MAP1A: variants seen among roughly 807,000 people sequenced by gnomAD.
MAP1A encodes the protein microtubule-associated protein 1A.
MAP1A carries 42 observed loss-of-function variants against 185.9 expected under a neutral mutation model. That is an observed-to-expected ratio of 0.23 (90% CI 0.18 to 0.29). The LOEUF (loss-of-function observed/expected upper bound fraction) is 0.29. Among genes scored for constraint, MAP1A ranks in the 10% least tolerant of loss-of-function variants. MAP1A has a pLI of 1.00. For missense variants in MAP1A, 2,995 were observed against 3,450.4 expected (o/e 0.87, Z 3.31); for synonymous variants, 1,229 against 1,335.9 (o/e 0.92, Z 1.74).
In MAP1A at chr15:43,527,335, A is replaced by G. The variant is rs1451808455; in HGVS notation, c.5862A>G (p.Arg1954=). The G allele has an allele frequency of 2.5e-6, 4 of 1,614,088 alleles. No individual in the cohort carries two copies. Among genetic ancestry groups the G allele is most frequent in the Non-Finnish European group, 3.4e-6 (4 of 1,180,008 alleles). The change falls in exon 4 of 6, where the codon AGA becomes AGG. Residue 1954 remains arginine (R), a synonymous_variant. Coordinates refer to ENST00000300231, the MANE Select transcript of MAP1A (RefSeq NM_002373.6). ...CTGAGCAGACTGAGCCGGAGCAGAG[A>G]GAGCCCACACCCTATCCTGATGAGA... ...TEPEQTEPEQ[R]EPTPYPDERS... is the part of the protein sequence containing the mutation.
rs549329345 is a variant in MAP1A, at chr15:43,530,321, G to T, written c.*97G>T. On this transcript the variant is annotated 3_prime_UTR_variant, in exon 6 of 6. Coordinates refer to ENST00000300231, the MANE Select transcript of MAP1A (RefSeq NM_002373.6). ...TGGGGTTGAGGGAGATGGGAGCTAG[G>T]GGGAGGGGAGGGAGATGTCTTGTTG... 1.4e-5 allele frequency: 20 copies of T among 1,461,518 alleles called. No homozygotes were observed. Among genetic ancestry groups the T allele is most frequent in the Middle Eastern group, 4.6e-4 (2 of 4,310 alleles). The allele number at this position is 1,461,518 out of a possible 1,614,324, so 90.5% of individuals were successfully genotyped here.
At chr15:43,517,157 T>TC (rs1757746238), upstream of MAP1A, among the ~76,000 whole-genome samples, 1 of 152,082 alleles carries the variant, frequency 6.6e-6, no homozygotes, top group African/African-American at 2.4e-5. Flanking sequence ...CTTAAGCAGT[T>TC]CCCCACACCT....
In MAP1A at chr15:43,527,466, C is replaced by T. The variant is rs753698571; in HGVS notation, c.5993C>T (p.Pro1998Leu). 69 of 1,614,022 alleles carry T rather than the reference C, an allele frequency of 4.3e-5. No homozygotes were observed. Among genetic ancestry groups the T allele is most frequent in the African/African-American group, 1.3e-5 (1 of 74,920 alleles). The change falls in exon 4 of 6, where the codon CCA (proline) becomes CTA (leucine). Residue 1998 changes from proline to leucine, a missense_variant. Physicochemically the swap from Pro to Leu is moderately conservative, Grantham distance 98. Coordinates refer to ENST00000300231, the MANE Select transcript of MAP1A (RefSeq NM_002373.6). ...PPLGAAGDWP[P>L]CLSTKEAAAG... is the part of the protein sequence containing the mutation. ...CTTGGAGCAGCTGGGGATTGGCCCC[C>T]ATGCCTCTCAACCAAGGAGGCAGCT... is the stretch of plus-strand genomic sequence containing the variant.
Position 43,524,344 on chromosome 15 carries a change from A to C in MAP1A, c.2871A>C (p.Gln957His). ...NVEMSEKLCS[Q>H]YGTPVFSAPG... ...AGATGTCTGAGAAACTTTGCAGTCAATATGGAACTCCAGTGTTTAGTGCCC... is the reference window on the plus strand; with the variant it reads ...AGATGTCTGAGAAACTTTGCAGTCACTATGGAACTCCAGTGTTTAGTGCCC... The change falls in exon 4 of 6, where the codon CAA becomes CAC. Residue 957 changes from glutamine (Q) to histidine (H), a missense_variant. Around this residue, in one of 3 missense-constraint regions of MAP1A, gnomAD observed 2,728 missense variants for 2,986.0 expected, o/e 0.91. Coordinates refer to ENST00000300231, the MANE Select transcript of MAP1A (RefSeq NM_002373.6). The C allele has an allele frequency of 1.2e-6, 2 of 1,614,234 alleles. No homozygotes were observed. Among genetic ancestry groups the C allele is most frequent in the Non-Finnish European group, 1.7e-6 (2 of 1,180,042 alleles).
Position 43,527,464 on chromosome 15 carries a change from C to G in MAP1A, c.5991C>G (p.Pro1997=), listed in dbSNP as rs760579428. 6.2e-7 allele frequency: 1 copy of G among 1,614,098 alleles called. No homozygotes were observed. The highest frequency in any genetic ancestry group is 8.5e-7 in the Non-Finnish European group (1 of 1,179,992). Residue 1997 remains proline, a synonymous_variant, in exon 4 of 6, where the codon CCC becomes CCG. Transcript: ENST00000300231. ...EPPLGAAGDW[P]PCLSTKEAAA... Reference sequence around the variant, plus strand: ...CACTTGGAGCAGCTGGGGATTGGCCCCCATGCCTCTCAACCAAGGAGGCAG... The same window carrying G: ...CACTTGGAGCAGCTGGGGATTGGCCGCCATGCCTCTCAACCAAGGAGGCAG...
chr15:43,514,146 C>T (rs1473657898), upstream of MAP1A, among the ~76,000 whole-genome samples: 1 of 152,206 alleles, frequency 6.6e-6, no homozygotes. Flanking sequence ...AGGCCCTTTC[C>T]ATCAAAGAGT....
chr15:43,525,151 G>C lies in MAP1A; in HGVS notation c.3678G>C (p.Gln1226His). Residue 1226 changes from glutamine (Q) to histidine (H), a missense_variant, in exon 4 of 6, where the codon CAG (glutamine) becomes CAC (histidine). By Grantham distance (24) the Gln-to-His change is conservative. Around this residue, in one of 3 missense-constraint regions of MAP1A, gnomAD observed 2,728 missense variants for 2,986.0 expected, o/e 0.91. Transcript: ENST00000300231. ...CTCCAGAAAGCCTTGGCACCCTCCAGTTTGGGGAACTAAACCTTGGGAAGG... is the reference window on the plus strand; with the variant it reads ...CTCCAGAAAGCCTTGGCACCCTCCACTTTGGGGAACTAAACCTTGGGAAGG... ...QLSPESLGTL[Q>H]FGELNLGKEE... The C allele has an allele frequency of 6.2e-7, 1 of 1,614,186 alleles. No individual in the cohort carries two copies. The highest frequency in any genetic ancestry group is 8.5e-7 in the Non-Finnish European group (1 of 1,180,024).
At position 43,526,611 on chromosome 15, in the gene MAP1A, A is replaced by G. The variant is rs2079344847; in HGVS notation, c.5138A>G (p.Asp1713Gly). 4 of 1,614,152 alleles carry G rather than the reference A, an allele frequency of 2.5e-6. No individual in the cohort carries two copies. The highest frequency in any genetic ancestry group is 3.4e-6 in the Non-Finnish European group (4 of 1,180,028). Residue 1713 changes from aspartate (D) to glycine (G), a missense_variant, in exon 4 of 6, where the codon GAT (aspartate) becomes GGT (glycine). Physicochemically the swap from Asp to Gly is moderately conservative, Grantham distance 94. Around this residue, in one of 3 missense-constraint regions of MAP1A, gnomAD observed 2,728 missense variants for 2,986.0 expected, o/e 0.91. Coordinates refer to ENST00000300231, the MANE Select transcript of MAP1A (RefSeq NM_002373.6). This position sits in a 1 kb window ranked among gnomAD's most constrained non-coding sequence, Gnocchi z 4.7. ...AAGGTCTGGTTCCCTCACGAGCTGG[A>G]TGGCCAGGGGGCCCGCCCACACTAC... Reference protein sequence around the residue: ...ERKVWFPHELDGQGARPHYTE... With the variant: ...ERKVWFPHELGGQGARPHYTE...
At position 43,527,838 on chromosome 15, in the gene MAP1A, C is replaced by A. The variant is rs758654861; in HGVS notation, c.6365C>A (p.Ala2122Asp). 2.5e-6 allele frequency: 4 copies of A among 1,613,966 alleles called. No homozygotes were observed. Among genetic ancestry groups the A allele is most frequent in the Non-Finnish European group, 2.5e-6 (3 of 1,179,920 alleles). Residue 2122 changes from alanine to aspartate, a missense_variant, in exon 4 of 6, where the codon GCC becomes GAC. Physicochemically the swap from Ala to Asp is moderately radical, Grantham distance 126. This residue lies in a region of MAP1A where 2,728 missense variants were observed against 2,986.0 expected (regional missense o/e 0.91). Coordinates refer to ENST00000300231, the MANE Select transcript of MAP1A (RefSeq NM_002373.6). ...KGAREQPEKE[A>D]QSPSPPHPIP... The stretch of plus-strand genomic sequence containing the variant: ...GCTCGGGAACAGCCAGAAAAAGAGG[C>A]CCAATCCCCAAGTCCTCCTCACCCC...
In MAP1A at chr15:43,529,070, T is replaced by G; in HGVS notation, c.7597T>G (p.Ser2533Ala). The part of the protein sequence containing the change: ...PSITAEAALD[S>A]DEDGDFLPVD... Reference sequence around the variant, plus strand: ...CATCACAGCTGAGGCAGCCCTCGACTCAGATGAAGATGGAGACTTCCTACC... The same window carrying G: ...CATCACAGCTGAGGCAGCCCTCGACGCAGATGAAGATGGAGACTTCCTACC... The change falls in exon 4 of 6, where the codon TCA becomes GCA. Residue 2533 changes from serine (S) to alanine (A), a missense_variant. Coordinates refer to ENST00000300231, the MANE Select transcript of MAP1A (RefSeq NM_002373.6). This position sits in a 1 kb window ranked among gnomAD's most constrained non-coding sequence, Gnocchi z 4.3. 1 of 1,613,722 alleles carries G rather than the reference T, an allele frequency of 6.2e-7. No homozygotes were observed. The highest frequency in any genetic ancestry group is 8.5e-7 in the Non-Finnish European group (1 of 1,179,978).
Position 43,530,363 on chromosome 15 carries a change from G to T in MAP1A, c.*139G>T, listed in dbSNP as rs995780019. 2.7e-5 allele frequency: 29 copies of T among 1,092,358 alleles called. No homozygotes were observed. The East Asian group carries it at 4.2e-4, about 16-fold the overall frequency. The allele number at this position is 1,092,358 out of a possible 1,614,324, so 67.7% of individuals were successfully genotyped here. A position where few individuals can be genotyped will look rare whatever the true frequency, so the allele number is the denominator to read the frequency against. On this transcript the variant is annotated 3_prime_UTR_variant, in exon 6 of 6. Coordinates refer to ENST00000300231, the MANE Select transcript of MAP1A (RefSeq NM_002373.6). ...GTCTTGTTGTGGGGACTTGGGCTGG[G>T]CTAAATGGGAGGGGTTGTCCCTCCC...
Position 43,526,341 on chromosome 15 carries a change from T to C in MAP1A, c.4868T>C (p.Leu1623Pro). ...ALLEKTKALG[L>P]EESLVQEGRA... ...CTGGAGAAGACCAAAGCTCTGGGCCTGGAAGAGAGCCTAGTGCAGGAGGGC... is the reference window on the plus strand; with the variant it reads ...CTGGAGAAGACCAAAGCTCTGGGCCCGGAAGAGAGCCTAGTGCAGGAGGGC... Residue 1623 changes from leucine to proline, a missense_variant, in exon 4 of 6, where the codon CTG becomes CCG. Transcript: ENST00000300231. The surrounding 1 kb of genome is among the most constrained non-coding windows in gnomAD (Gnocchi z 4.7). 1 of 1,613,974 alleles carries C rather than the reference T, an allele frequency of 6.2e-7. No individual in the cohort carries two copies. Among genetic ancestry groups the C allele is most frequent in the Non-Finnish European group, 8.5e-7 (1 of 1,180,018 alleles).
Position 43,530,348 on chromosome 15 carries a change from G to A in MAP1A, c.*124G>A. On this transcript the variant is annotated 3_prime_UTR_variant, in exon 6 of 6. Coordinates refer to ENST00000300231, the MANE Select transcript of MAP1A (RefSeq NM_002373.6). Reference sequence around the variant, plus strand: ...GGAGGGGAGGGAGATGTCTTGTTGTGGGGACTTGGGCTGGGCTAAATGGGA... The same window carrying A: ...GGAGGGGAGGGAGATGTCTTGTTGTAGGGACTTGGGCTGGGCTAAATGGGA... 7.8e-7 allele frequency: 1 copy of A among 1,283,484 alleles called. No homozygotes were observed. The highest frequency in any genetic ancestry group is 1.1e-6 in the Non-Finnish European group (1 of 932,644). The allele number at this position is 1,283,484 out of a possible 1,614,324, so 79.5% of individuals were successfully genotyped here.
chr15:43,516,113 G>A (rs2079296248), upstream of MAP1A, among the ~76,000 whole-genome samples: 1 of 152,180 alleles, frequency 6.6e-6, no homozygotes, highest in African/African-American at 2.4e-5. Context: ...CTTGAGGTGG[G>A]AGGAAATAAG....
rs771910671 is a variant in MAP1A at position 43,528,923 on chromosome 15, G to A, written c.7450G>A (p.Gly2484Arg). ...AAGAGGGGGGCGGCGCCGGGTAGGGGGGCCAGGGACCACTGGGGGCCCATG... is the reference window on the plus strand; with the variant it reads ...AAGAGGGGGGCGGCGCCGGGTAGGGAGGCCAGGGACCACTGGGGGCCCATG... ...VGRGGRRRVG[G>R]PGTTGGPCPV... is the part of the protein sequence containing the mutation. The change falls in exon 4 of 6, where the codon GGG becomes AGG. Residue 2484 changes from glycine to arginine, a missense_variant. This residue lies in a region of MAP1A where 2,728 missense variants were observed against 2,986.0 expected (regional missense o/e 0.91). Transcript: ENST00000300231. 6.2e-7 allele frequency: 1 copy of A among 1,613,032 alleles called. No homozygotes were observed. Among genetic ancestry groups the A allele is most frequent in the South Asian group, 1.1e-5 (1 of 91,076 alleles).
In MAP1A at chr15:43,523,240, G is replaced by A. The variant is rs374011144; in HGVS notation, c.1767G>A (p.Val589=). ...SVPGLGQEEH[V]MKEKELVPEV... ...CAGGGCTGGGACAAGAAGAACATGT[G>A]ATGAAGGAGAAAGAGCTTGTCCCAG... The change falls in exon 4 of 6, where the codon GTG becomes GTA. Residue 589 remains valine, a synonymous_variant. Coordinates refer to ENST00000300231, the MANE Select transcript of MAP1A (RefSeq NM_002373.6). The A allele has an allele frequency of 6.2e-6, 10 of 1,614,102 alleles. No individual in the cohort carries two copies. The highest frequency in any genetic ancestry group is 8.5e-6 in the Non-Finnish European group (10 of 1,180,006).
chr15:43,519,816 C>T (rs1410868046), intron 1 of MAP1A, among the ~76,000 whole-genome samples: 4 of 152,270 alleles, frequency 2.6e-5, no homozygotes, highest in Middle Eastern at 3.4e-3. Context: ...TCCCCATGCC[C>T]GTGGTAGAGG....
Position 43,528,146 on chromosome 15 carries a change from A to T in MAP1A, c.6673A>T (p.Ser2225Cys). The change falls in exon 4 of 6, where the codon AGC becomes TGC. Residue 2225 changes from serine to cysteine, a missense_variant. This residue lies in a region of MAP1A where 2,728 missense variants were observed against 2,986.0 expected (regional missense o/e 0.91). Transcript: ENST00000300231. ...ATACCTGGAAGTGACCAAGGCCCCCAGCCTGGATTCCTCACTGCCCCAGCT... is the reference window on the plus strand; with the variant it reads ...ATACCTGGAAGTGACCAAGGCCCCCTGCCTGGATTCCTCACTGCCCCAGCT... ...DEYLEVTKAPSLDSSLPQLPS... is the reference protein window; with the variant it reads ...DEYLEVTKAPCLDSSLPQLPS... 2 of 1,614,066 alleles carry T rather than the reference A, an allele frequency of 1.2e-6. No individual in the cohort carries two copies. The highest frequency in any genetic ancestry group is 1.7e-6 in the Non-Finnish European group (2 of 1,180,004).
Position 43,524,320 on chromosome 15 carries a change from G to A in MAP1A, c.2847G>A (p.Glu949=). Residue 949 remains glutamate, a synonymous_variant, in exon 4 of 6, where the codon GAG becomes GAA. Transcript: ENST00000300231. Reference sequence around the variant, plus strand: ...AAGAGGAGGAGACAGCAAACGTAGAGATGTCTGAGAAACTTTGCAGTCAAT... The same window carrying A: ...AAGAGGAGGAGACAGCAAACGTAGAAATGTCTGAGAAACTTTGCAGTCAAT... ...EEEEEETANV[E]MSEKLCSQYG... 1 of 1,614,230 alleles carries A rather than the reference G, an allele frequency of 6.2e-7. No individual in the cohort carries two copies. Among genetic ancestry groups the A allele is most frequent in the Middle Eastern group, 1.6e-4 (1 of 6,062 alleles).
Sources: allele counts gnomAD v4.1 joint callset (sites outside exome capture counted in the v4.1 genomes callset), GRCh38; gene constraint gnomAD v4.1.1; regional missense constraint gnomAD v4.1.1; non-coding constraint Gnocchi (gnomAD v3.1); transcripts MANE v1.5; gene names NCBI Gene and HGNC (gene_info 2026-07-23, HGNC 2026-07-21).